ISX: variants seen among roughly 807,000 people sequenced by gnomAD.
ISX encodes the protein intestine specific homeobox, also known as intestine-specific homeobox.
ISX carries 15 observed loss-of-function variants against 16.9 expected under a neutral mutation model. That is an observed-to-expected ratio of 0.89 (90% CI 0.59 to 1.36). The LOEUF (loss-of-function observed/expected upper bound fraction) is 1.36, where lower values mean the gene tolerates loss of function less well. ISX is among the 40% of genes most tolerant of loss of function. The probability of loss-of-function intolerance (pLI) is 0.00; values close to 1 mark genes in which losing one functional copy is unlikely to be tolerated. For missense variants in ISX, 316 were observed against 306.1 expected (o/e 1.03, Z -0.24); for synonymous variants, 125 against 119.7 (o/e 1.04, Z -0.29).
intron 2 of ISX, among the ~76,000 whole-genome samples, chr22:35,069,102 C>G (rs555373020): frequency 1.3e-5 from 2 of 152,146 alleles, no homozygotes; most frequent in Non-Finnish European, 1.5e-5. Context: ...TGATCTAGCT[C>G]AATAGTCCTG....
chr22:35,072,250 C>T (rs1466308889), intron 2 of ISX, among the ~76,000 whole-genome samples: 1 of 152,176 alleles, frequency 6.6e-6, no homozygotes, highest in Non-Finnish European at 1.5e-5. Flanking sequence ...CAAGAAAGTA[C>T]AAGGCATGGC....
intron 2 of ISX, among the ~76,000 whole-genome samples, chr22:35,078,376 C>A (rs966540774): frequency 1.3e-5 from 2 of 152,194 alleles, no homozygotes; most frequent in African/African-American, 4.8e-5. Flanking sequence ...GAATTAACAC[C>A]TGCCATTTCT....
intron 2 of ISX, among the ~76,000 whole-genome samples, chr22:35,071,205 G>A (rs1928845301): frequency 6.6e-6 from 1 of 152,120 alleles, no homozygotes; most frequent in Admixed American, 6.5e-5. Context: ...AAATGCTTTG[G>A]TGTCTTTGCC....
rs199574354 is a variant in ISX at position 35,082,696 on chromosome 22, A to G, written c.381+27A>G. 351 of 1,612,514 alleles carry G rather than the reference A, an allele frequency of 2.2e-4. 3 individuals are homozygous for G. The South Asian group carries it at 3.8e-3, about 17-fold the overall frequency. Reference sequence around the variant, plus strand: ...TACAGCCATCCCTACCTCAGCCCCCAGCCTCCATGCCCTTGGGACCATGTG... The same window carrying G: ...TACAGCCATCCCTACCTCAGCCCCCGGCCTCCATGCCCTTGGGACCATGTG... On this transcript the variant is annotated intron_variant, in intron 3 of 4. Transcript: ENST00000404699.
intron 2 of ISX, among the ~76,000 whole-genome samples, chr22:35,077,849 G>T (rs1239287410): frequency 6.6e-6 from 1 of 152,136 alleles, no homozygotes; most frequent in East Asian, 1.9e-4. Flanking sequence ...ACAGGAAAAA[G>T]CCATCATGTC....
chr22:35,067,428 T>C, intron 2 of ISX, 112 bp downstream of exon 2: 1 of 724,492 alleles, frequency 1.4e-6, no homozygotes, highest in Non-Finnish European at 2.3e-6. Flanking sequence ...ACTCTAAAAT[T>C]CAGAGCAAGA....
intron 2 of ISX, among the ~76,000 whole-genome samples, chr22:35,081,784 T>C (rs1391038780): frequency 6.6e-6 from 1 of 152,168 alleles, no homozygotes; most frequent in Non-Finnish European, 1.5e-5. Flanking sequence ...GAGGGATGCA[T>C]GACATGAAAT....
intron 2 of ISX, among the ~76,000 whole-genome samples, chr22:35,079,790 A>G (rs1246515783): frequency 6.6e-6 from 1 of 152,180 alleles, no homozygotes; most frequent in Non-Finnish European, 1.5e-5. Flanking sequence ...CTTTTCTACA[A>G]TCCCTAAAAT....
At position 35,085,436 on chromosome 22, in the gene ISX, G is replaced by A; in HGVS notation, c.499-18G>A. 6.2e-7 allele frequency: 1 copy of A among 1,614,134 alleles called. No individual in the cohort carries two copies. The highest frequency in any genetic ancestry group is 8.5e-7 in the Non-Finnish European group (1 of 1,179,992). On this transcript the variant is annotated intron_variant, in intron 4 of 4. Transcript: ENST00000404699. ...AGCTTAGGACTCACTTCTCTCTCCT[G>A]ACCTCTCCTTGTGACAGGGGCCCAC...
intron 2 of ISX, among the ~76,000 whole-genome samples, chr22:35,074,770 C>T (rs374363248): frequency 6.6e-6 from 1 of 152,204 alleles, no homozygotes; most frequent in Admixed American, 6.5e-5. Flanking sequence ...CTTGAAACAT[C>T]CCCTGACTGC....
intron 3 of ISX, 110 bp downstream of exon 3, chr22:35,082,779 C>T (rs1238127588): frequency 8.8e-7 from 1 of 1,138,210 alleles, no homozygotes; most frequent in African/African-American, 1.5e-5. Context: ...TTTCTGTTGG[C>T]TTTATCCTGT....
At position 35,067,059 on chromosome 22, in the gene ISX, C is replaced by A. The variant is rs200664733; in HGVS notation, c.-29C>A. ...CACTCTCCACTGGCACCCTCCTTGGCCTACACAGAGTCACCCCTGAGCCCC... is the reference window on the plus strand; with the variant it reads ...CACTCTCCACTGGCACCCTCCTTGGACTACACAGAGTCACCCCTGAGCCCC... On this transcript the variant is annotated 5_prime_UTR_variant, in exon 2 of 5. Coordinates refer to ENST00000404699, the MANE Select transcript of ISX (RefSeq NM_001303508.2). 23 of 1,576,544 alleles carry A rather than the reference C, an allele frequency of 1.5e-5. No individual in the cohort carries two copies. Among genetic ancestry groups the A allele is most frequent in the Non-Finnish European group, 1.9e-5 (22 of 1,149,624 alleles).
intron 2 of ISX, among the ~76,000 whole-genome samples, chr22:35,076,248 G>A (rs1338828146): frequency 1.3e-5 from 2 of 152,198 alleles, no homozygotes; most frequent in Non-Finnish European, 1.5e-5. Context: ...AGGAAGCGCA[G>A]AACAAGGACC....
At chr22:35,085,427 C>A in intron 4 of ISX, 27 bp from the exon 5 acceptor site, 1 of 1,613,804 alleles carries the variant, frequency 6.2e-7, no homozygotes, top group Admixed American at 1.7e-5. Context: ...GGACTCACTT[C>A]TCTCTCCTGA....
rs184523171 is a variant in ISX at position 35,066,287 on chromosome 22, C to T, written c.-512C>T. The T allele has an allele frequency of 3.3e-4, 51 of 152,490 alleles. No homozygotes were observed. The highest frequency in any genetic ancestry group is 2.1e-3 in the Admixed American group (32 of 15,286). The allele number at this position is 152,490 out of a possible 1,614,324, so 9.4% of individuals were successfully genotyped here. A position where few individuals can be genotyped will look rare whatever the true frequency, so the allele number is the denominator to read the frequency against. Reference sequence around the variant, plus strand: ...AGAGAGGGCTTCGCATGTAAAGTGACGTCAGGGAAAATAGAACAGAAAAAA... The same window carrying T: ...AGAGAGGGCTTCGCATGTAAAGTGATGTCAGGGAAAATAGAACAGAAAAAA... On this transcript the variant is annotated 5_prime_UTR_variant, in exon 1 of 5. The change creates a new upstream start codon in the 5' untranslated region. Coordinates refer to ENST00000404699, the MANE Select transcript of ISX (RefSeq NM_001303508.2).
At chr22:35,079,135 A>T (rs62241685) in intron 2 of ISX, among the ~76,000 whole-genome samples, 11,389 of 152,318 alleles carry the variant, frequency 0.075, 497 homozygotes, top group African/African-American at 0.11. Context: ...GATTTCTTCA[A>T]GTGTTAAACC....
At chr22:35,076,721 G>A (rs183891487) in intron 2 of ISX, among the ~76,000 whole-genome samples, 80 of 152,250 alleles carry the variant, frequency 5.3e-4, no homozygotes, top group Admixed American at 2.5e-3. Flanking sequence ...GCTGAGCGAG[G>A]AGAAACATCA....
At chr22:35,071,043 A>G (rs1319145997) in intron 2 of ISX, among the ~76,000 whole-genome samples, 1 of 152,212 alleles carries the variant, frequency 6.6e-6, no homozygotes, top group East Asian at 1.9e-4. Context: ...TTCATCAAGG[A>G]CATGACCCTG....
At chr22:35,077,439 A>G (rs955234073) in intron 2 of ISX, among the ~76,000 whole-genome samples, 2 of 152,148 alleles carry the variant, frequency 1.3e-5, no homozygotes, top group Admixed American at 1.3e-4. Context: ...CCCCTTGGAC[A>G]CTGCTCTAAC....
Sources: allele counts gnomAD v4.1 joint callset (sites outside exome capture counted in the v4.1 genomes callset), GRCh38; gene constraint gnomAD v4.1.1; transcripts MANE v1.5; gene names NCBI Gene and HGNC (gene_info 2026-07-23, HGNC 2026-07-21).